BCAS3: variants seen among roughly 807,000 people sequenced by gnomAD.
BCAS3 encodes the protein BCAS4/BCAS3 fusion.
In BCAS3, 53 loss-of-function variants were observed where a neutral mutation model predicts 116.1. That is an observed-to-expected ratio of 0.46 (90% CI 0.37 to 0.57). The LOEUF is 0.57. Ranked by LOEUF, BCAS3 falls within the 20% of genes least tolerant of loss-of-function variation. The pLI is 0.00. For missense variants in BCAS3, 917 were observed against 1,165.4 expected, an observed-to-expected ratio of 0.79 and a Z score of 3.10; for synonymous variants, 391 against 408.2, an observed-to-expected ratio of 0.96 and a Z score of 0.51.
Position 61,233,531 on chromosome 17 carries a change from C to T in BCAS3, c.2426-134796C>T, listed in dbSNP as rs78248904. 7.4e-3 allele frequency among the ~76,000 whole-genome samples: 1,128 copies of T among 152,270 alleles called. 13 individuals carry two copies. Among genetic ancestry groups the T allele is most frequent in the African/African-American group, 0.025 (1,053 of 41,554 alleles). The stretch of plus-strand genomic sequence containing the variant: ...TCAAAACACAGTAAATGAAGGGCTT[C>T]CCTGAAAGGTGGAGCCAGTAGACTT... On this transcript the variant is annotated intron_variant, in intron 22 of 23. Coordinates refer to ENST00000407086, the MANE Select transcript of BCAS3 (RefSeq NM_017679.5). The surrounding 1 kb of genome is among the most constrained non-coding windows in gnomAD (Gnocchi z 4.3).
chr17:61,052,197 G>A (rs192689446), intron 19 of BCAS3, among the ~76,000 whole-genome samples: 254 of 151,392 alleles, frequency 1.7e-3, no homozygotes, highest in Admixed American at 3.9e-3. Context: ...TTGACCACTT[G>A]GTACTTTCCC....
At chr17:60,710,433 T>A (rs2037721724) in intron 5 of BCAS3, among the ~76,000 whole-genome samples, 2 of 136,824 alleles carry the variant, frequency 1.5e-5, no homozygotes, top group Non-Finnish European at 3.0e-5. Context: ...TCTTTAACAT[T>A]TTTTTTTTTT....
intron 22 of BCAS3, among the ~76,000 whole-genome samples, chr17:61,236,904 T>G (rs914190946): frequency 7.9e-5 from 12 of 152,112 alleles, no homozygotes; most frequent in African/African-American, 2.2e-4. Context: ...GCAGGAAAGT[T>G]GGATCCTGGA....
intron 14 of BCAS3, among the ~76,000 whole-genome samples, chr17:60,953,366 T>A (rs1442570233): frequency 6.6e-6 from 1 of 152,164 alleles, no homozygotes; most frequent in Non-Finnish European, 1.5e-5. Context: ...GACATTCTTT[T>A]GAAAAGTGTC....
Position 61,354,312 on chromosome 17 carries a change from C to G in BCAS3, c.2426-14015C>G, listed in dbSNP as rs992395611. On this transcript the variant is annotated intron_variant, in intron 22 of 23. Coordinates refer to ENST00000407086, the MANE Select transcript of BCAS3 (RefSeq NM_017679.5). The surrounding 1 kb of genome is among the most constrained non-coding windows in gnomAD (Gnocchi z 4.5). The stretch of plus-strand genomic sequence containing the variant: ...GAGAGAATTATGAGAAAAATATGTA[C>G]TTATTCTGTGAAAATATGTGAGATT... The G allele has an allele frequency of 6.6e-6, 1 of 152,212 alleles. No individual in the cohort carries two copies. The highest frequency in any genetic ancestry group is 1.5e-5 in the Non-Finnish European group (1 of 68,050). The allele number at this position is 152,212 out of a possible 1,614,324, so 9.4% of individuals were successfully genotyped here.
At chr17:61,116,265 T>TC (rs201970988) in intron 22 of BCAS3, among the ~76,000 whole-genome samples, 5,730 of 97,952 alleles carry the variant, frequency 0.058, 155 homozygotes, top group South Asian at 0.075. Context: ...AATAAATAAA[T>TC]AAATAAATAA....
chr17:60,747,127 T>A, intron 5 of BCAS3, 71 bp from the exon 6 acceptor site: 1 of 1,016,884 alleles, frequency 9.8e-7, no homozygotes, highest in Non-Finnish European at 1.5e-6. Context: ...ATTTAGAAGA[T>A]CTTGTTTTTA....
chr17:61,001,908 A>G (rs2064268985), intron 15 of BCAS3, among the ~76,000 whole-genome samples: 1 of 152,152 alleles, frequency 6.6e-6, no homozygotes, highest in Non-Finnish European at 1.5e-5. Flanking sequence ...GAAAGTGGAT[A>G]GAAAAGAGTG....
At chr17:60,881,037 C>T (rs772179151) in intron 9 of BCAS3, among the ~76,000 whole-genome samples, 1 of 152,162 alleles carries the variant, frequency 6.6e-6, no homozygotes, top group South Asian at 2.1e-4. Flanking sequence ...TGCAGTGGTG[C>T]GATCTCAGCT....
At position 61,330,013 on chromosome 17, in the gene BCAS3, T is replaced by C. The variant is rs528654599; in HGVS notation, c.2426-38314T>C. On this transcript the variant is annotated intron_variant, in intron 22 of 23. Coordinates refer to ENST00000407086, the MANE Select transcript of BCAS3 (RefSeq NM_017679.5). ...TCCCTGCCCTAACAGAACTTATTGTTGAGGGGGAGAAATTGCCAAGTAAAC... is the reference window on the plus strand; with the variant it reads ...TCCCTGCCCTAACAGAACTTATTGTCGAGGGGGAGAAATTGCCAAGTAAAC... Among the ~76,000 whole-genome samples, 10 of 152,276 alleles carry C rather than the reference T, an allele frequency of 6.6e-5. No individual in the cohort carries two copies. The South Asian group carries it at 2.1e-3, about 32-fold the overall frequency.
Position 61,355,660 on chromosome 17 carries a change from A to AT in BCAS3, c.2426-12665dup, listed in dbSNP as rs1218641407. Among the ~76,000 whole-genome samples the AT allele has an allele frequency of 6.6e-6, 1 of 152,214 alleles. No individual in the cohort carries two copies. Among genetic ancestry groups the AT allele is most frequent in the Non-Finnish European group, 1.5e-5 (1 of 68,034 alleles). On this transcript the variant is annotated intron_variant, in intron 22 of 23. Coordinates refer to ENST00000407086, the MANE Select transcript of BCAS3 (RefSeq NM_017679.5). The surrounding 1 kb of genome is among the most constrained non-coding windows in gnomAD (Gnocchi z 4.2). ...AACAATAACATCCACCTCATAAGTT[A>AT]TTGGGATGATTTCAGTGCAATAGTG...
intron 3 of BCAS3, among the ~76,000 whole-genome samples, chr17:60,684,238 A>G (rs776304449): frequency 6.6e-6 from 1 of 152,174 alleles, no homozygotes; most frequent in Non-Finnish European, 1.5e-5. Context: ...ATTATTCCTT[A>G]GGACTTTGCC....
Position 61,075,027 on chromosome 17 carries a change from C to T in BCAS3, c.2130+7C>T. 2 of 1,591,434 alleles carry T rather than the reference C, an allele frequency of 1.3e-6. No individual in the cohort carries two copies. The highest frequency in any genetic ancestry group is 8.6e-7 in the Non-Finnish European group (1 of 1,161,324). ...TGAAGAATGGCTTTCCCAGGTAAAA[C>T]TCTGAAATATTGAGAGTATTAAAGT... On this transcript the variant is annotated splice_region_variant and intron_variant, in intron 20 of 23. Coordinates refer to ENST00000407086, the MANE Select transcript of BCAS3 (RefSeq NM_017679.5).
At chr17:60,819,935 A>G (rs1384403356) in intron 7 of BCAS3, among the ~76,000 whole-genome samples, 2 of 151,624 alleles carry the variant, frequency 1.3e-5, no homozygotes, top group Admixed American at 1.3e-4. Context: ...GTTTATTATC[A>G]TTTCTAAGCA....
chr17:60,722,140 T>G (rs994663361), intron 5 of BCAS3, among the ~76,000 whole-genome samples: 1 of 152,174 alleles, frequency 6.6e-6, no homozygotes, highest in Admixed American at 6.5e-5. Flanking sequence ...TTGAGTATTA[T>G]TAATAAAGTT....
At chr17:61,194,366 C>T (rs192328915) in intron 22 of BCAS3, among the ~76,000 whole-genome samples, 122 of 152,244 alleles carry the variant, frequency 8.0e-4, no homozygotes, top group Middle Eastern at 3.4e-3. Flanking sequence ...AGTTAATTCC[C>T]CCAGCAAGTG....
intron 22 of BCAS3, among the ~76,000 whole-genome samples, chr17:61,149,443 T>C (rs140563614): frequency 9.2e-5 from 14 of 152,356 alleles, no homozygotes; most frequent in African/African-American, 3.4e-4. Context: ...TTAACCTTGC[T>C]TTTAATGTAA....
intron 6 of BCAS3, among the ~76,000 whole-genome samples, chr17:60,805,033 G>T (rs1484297059): frequency 6.6e-6 from 1 of 150,378 alleles, no homozygotes; most frequent in Non-Finnish European, 1.5e-5. Flanking sequence ...TCAGTCATCA[G>T]TCTGACTTAG....
rs2081445941 is a variant in BCAS3, at chr17:61,211,296, T to G, written c.2425+126732T>G. 6.6e-6 allele frequency among the ~76,000 whole-genome samples: 1 copy of G among 152,192 alleles called. No homozygotes were observed. Among genetic ancestry groups the G allele is most frequent in the Non-Finnish European group, 1.5e-5 (1 of 68,036 alleles). On this transcript the variant is annotated intron_variant, in intron 22 of 23. Transcript: ENST00000407086. This position sits in a 1 kb window ranked among gnomAD's most constrained non-coding sequence, Gnocchi z 4.4. Reference sequence around the variant, plus strand: ...AGGGGTTGTGCTTCCTTACTGACTGTATTTGTGATCTGTAAGACTTTTCAA... The same window carrying G: ...AGGGGTTGTGCTTCCTTACTGACTGGATTTGTGATCTGTAAGACTTTTCAA...
Sources: allele counts gnomAD v4.1 joint callset (sites outside exome capture counted in the v4.1 genomes callset), GRCh38; gene constraint gnomAD v4.1.1; non-coding constraint Gnocchi (gnomAD v3.1); transcripts MANE v1.5; gene names NCBI Gene and HGNC (gene_info 2026-07-23, HGNC 2026-07-21).